The following SAMMSON variants were observed in gnomAD, a reference collection of about 807,000 sequenced individuals.
SAMMSON encodes the protein survival associated mitochondrial melanoma specific oncogenic non-coding RNA.
chr3:70,019,455 T>C (rs1418955170), intron 3 of SAMMSON, among the ~76,000 whole-genome samples: 1 of 152,190 alleles, frequency 6.6e-6, no homozygotes, highest in Non-Finnish European at 1.5e-5. Context: ...CTCCATCCCT[T>C]TATTTTGAGC....
At chr3:70,354,471 C>A (rs190141073) in intron 8 of SAMMSON, among the ~76,000 whole-genome samples, 25 of 152,198 alleles carry the variant, frequency 1.6e-4, no homozygotes, top group Admixed American at 1.4e-3. Context: ...GAATTAGAAT[C>A]ATCAGAAGAA....
At chr3:70,010,004 C>T (rs2066947045) in intron 1 of SAMMSON, among the ~76,000 whole-genome samples, 2 of 151,136 alleles carry the variant, frequency 1.3e-5, no homozygotes, top group African/African-American at 2.5e-5. Flanking sequence ...GTCTGAGAGA[C>T]AGTTTGTTAT....
chr3:70,292,854 A>G (rs1702251753), intron 7 of SAMMSON, among the ~76,000 whole-genome samples: 1 of 152,030 alleles, frequency 6.6e-6, no homozygotes, highest in Non-Finnish European at 1.5e-5. Context: ...TGAAGGTAGA[A>G]TTACCTTGAT....
chr3:70,281,103 C>T (rs1351533768), intron 6 of SAMMSON, among the ~76,000 whole-genome samples: 1 of 152,084 alleles, frequency 6.6e-6, no homozygotes, highest in Non-Finnish European at 1.5e-5. Flanking sequence ...TGTTAATCAG[C>T]CTTTTGTGAA....
At chr3:70,317,708 G>A (rs150524615) in intron 7 of SAMMSON, among the ~76,000 whole-genome samples, 4 of 151,460 alleles carry the variant, frequency 2.6e-5, no homozygotes, top group African/African-American at 4.8e-5. Context: ...AAAAAAATTC[G>A]TTTAATGTTT....
At chr3:70,092,284 T>C (rs1435556472) in intron 4 of SAMMSON, among the ~76,000 whole-genome samples, 7 of 152,080 alleles carry the variant, frequency 4.6e-5, no homozygotes, top group African/African-American at 1.4e-4. Context: ...ACATAGTAGA[T>C]ATATATGTAT....
intron 7 of SAMMSON, among the ~76,000 whole-genome samples, chr3:70,305,789 G>T (rs1321741064): frequency 1.3e-5 from 2 of 152,220 alleles, no homozygotes; most frequent in Non-Finnish European, 2.9e-5. Flanking sequence ...GTCAATAAAT[G>T]TGGGAAAGAT....
chr3:70,377,934 C>A (rs805479), intron 9 of SAMMSON, among the ~76,000 whole-genome samples: 82,862 of 151,496 alleles, frequency 0.55, 22,880 homozygotes, highest in East Asian at 0.61. Flanking sequence ...GACTGACAAA[C>A]ATTTAATAAG....
intron 4 of SAMMSON, among the ~76,000 whole-genome samples, chr3:70,136,256 A>G (rs1245122777): frequency 6.6e-6 from 1 of 152,146 alleles, no homozygotes; most frequent in Non-Finnish European, 1.5e-5. Context: ...TGTTCACCAA[A>G]AAGTTATTGT....
At chr3:70,278,320 AC>A (rs1460517348) in intron 6 of SAMMSON, among the ~76,000 whole-genome samples, 1 of 152,160 alleles carries the variant, frequency 6.6e-6, no homozygotes, top group African/African-American at 2.4e-5. Flanking sequence ...TATGTACCCA[AC>A]CTATTCTTGA....
At chr3:70,235,383 C>T (rs185409396) in intron 4 of SAMMSON, among the ~76,000 whole-genome samples, 2 of 152,332 alleles carry the variant, frequency 1.3e-5, no homozygotes, top group Non-Finnish European at 2.9e-5. Context: ...CACCCACTCA[C>T]TCCTTAATCC....
chr3:70,196,902 C>A (rs1701186930), intron 4 of SAMMSON: 2 of 398,364 alleles, frequency 5.0e-6, no homozygotes, highest in Admixed American at 4.4e-5. Context: ...AAAAGGACTG[C>A]CGGAATGTGG....
intron 9 of SAMMSON, among the ~76,000 whole-genome samples, chr3:70,362,448 T>A (rs967836850): frequency 6.6e-6 from 1 of 152,100 alleles, no homozygotes; most frequent in African/African-American, 2.4e-5. Context: ...GTATAGAAAG[T>A]CTGTTTAGTA....
At chr3:70,404,613 GT>G (rs1180847962) in intron 2 of SAMMSON, among the ~76,000 whole-genome samples, 3 of 152,104 alleles carry the variant, frequency 2.0e-5, no homozygotes, top group Admixed American at 1.3e-4. Flanking sequence ...TGATGGAGTA[GT>G]GATAACAGAT....
At chr3:70,391,363 T>C (rs1374410670), downstream of SAMMSON, among the ~76,000 whole-genome samples, 1 of 152,194 alleles carries the variant, frequency 6.6e-6, no homozygotes, top group Non-Finnish European at 1.5e-5. Flanking sequence ...ATGCCCTTTA[T>C]GGCATAATAT....
intron 4 of SAMMSON, among the ~76,000 whole-genome samples, chr3:70,240,086 A>G (rs1278359854): frequency 1.3e-5 from 2 of 152,120 alleles, no homozygotes; most frequent in African/African-American, 4.8e-5. Flanking sequence ...TTTACACAGG[A>G]CATTTCTTTA....
chr3:70,182,627 A>G (rs1305276076), intron 4 of SAMMSON, among the ~76,000 whole-genome samples: 1 of 152,138 alleles, frequency 6.6e-6, no homozygotes, highest in African/African-American at 2.4e-5. Context: ...TTCACGGGCT[A>G]ATTTACAGCG....
At chr3:70,198,161 T>C (rs1271513051) in intron 4 of SAMMSON, among the ~76,000 whole-genome samples, 1 of 152,188 alleles carries the variant, frequency 6.6e-6, no homozygotes, top group African/African-American at 2.4e-5. Context: ...TTAAAATCAG[T>C]AATCTGAAGA....
chr3:70,063,940 A>G (rs758818751), intron 3 of SAMMSON, among the ~76,000 whole-genome samples: 43 of 152,210 alleles, frequency 2.8e-4, no homozygotes, highest in African/African-American at 9.6e-4. Flanking sequence ...GTCTACAGTA[A>G]ATCTTTTCCT....
Sources: gnomAD v4.1 joint callset for allele counts (sites outside exome capture counted in the v4.1 genomes callset) on GRCh38, gnomAD v4.1.1 for gene constraint, MANE v1.5 for transcripts, NCBI Gene and HGNC (gene_info 2026-07-23, HGNC 2026-07-21) for gene names.